The following TTC7A variants were observed in gnomAD, a reference collection of about 807,000 sequenced individuals.
TTC7A encodes tetratricopeptide repeat protein 7A.
A neutral mutation model predicts 103.7 loss-of-function variants in TTC7A; 110 were observed. The ratio of observed to expected loss-of-function variants is 1.06; its 90% CI spans 0.91 to 1.24. The LOEUF (loss-of-function observed/expected upper bound fraction) is 1.24. Ranked by LOEUF, TTC7A falls within the 50% of genes most tolerant of loss-of-function variation. The pLI, the probability that TTC7A is intolerant of heterozygous loss-of-function variation, is 0.00. For synonymous variants in TTC7A, 521 were observed against 467.9 expected, an observed-to-expected ratio of 1.11 and a Z score of -1.47; for missense variants, 1,340 against 1,116.3, an observed-to-expected ratio of 1.20 and a Z score of -2.86.
intron 2 of TTC7A, among the ~76,000 whole-genome samples, chr2:46,931,058 A>T (rs998568773): frequency 6.6e-6 from 1 of 152,244 alleles, no homozygotes; most frequent in Non-Finnish European, 1.5e-5. Context: ...CAAATCAAAC[A>T]ATATATAAAA....
chr2:46,935,757 G>C (rs746992501), intron 2 of TTC7A, among the ~76,000 whole-genome samples: 3 of 152,092 alleles, frequency 2.0e-5, no homozygotes, highest in African/African-American at 7.2e-5. Context: ...AACAATGAGA[G>C]ATGCAAGTCT....
At chr2:46,962,890 T>C (rs1672511633) in intron 3 of TTC7A, among the ~76,000 whole-genome samples, 1 of 152,252 alleles carries the variant, frequency 6.6e-6, no homozygotes, top group Non-Finnish European at 1.5e-5. Context: ...TTGGGGTCTG[T>C]CTGCCTCTAC....
intron 2 of TTC7A, among the ~76,000 whole-genome samples, chr2:46,923,327 C>T (rs1669203758): frequency 6.6e-6 from 1 of 151,946 alleles, no homozygotes; most frequent in Admixed American, 6.6e-5. Context: ...TCTAATCACA[C>T]CTTGGTCTTT....
intron 2 of TTC7A, among the ~76,000 whole-genome samples, chr2:46,923,667 G>T (rs1669229987): frequency 6.6e-6 from 1 of 152,104 alleles, no homozygotes; most frequent in Non-Finnish European, 1.5e-5. Flanking sequence ...CGAGACAGGA[G>T]AATCGCTCAA....
At chr2:46,970,170 G>T (rs7605942) in intron 3 of TTC7A, among the ~76,000 whole-genome samples, 16 of 152,016 alleles carry the variant, frequency 1.1e-4, no homozygotes, top group African/African-American at 3.1e-4. Context: ...TTTCTATTTT[G>T]GGGGGGACGG....
At chr2:47,046,883 TGGAGC>T (rs998289280) in intron 16 of TTC7A, 22 of 237,950 alleles carry the variant, frequency 9.2e-5, no homozygotes, top group Non-Finnish European at 2.4e-5. Flanking sequence ...TTCCAGCCCA[TGGAGC>T]CTGTCACTTC....
intron 18 of TTC7A, among the ~76,000 whole-genome samples, chr2:47,052,110 T>G (rs901979701): frequency 3.9e-5 from 6 of 152,142 alleles, no homozygotes; most frequent in Admixed American, 2.0e-4. Context: ...CGTGAGAGGA[T>G]TGGAGGTCCT....
chr2:47,069,440 G>C (rs1006598805), intron 19 of TTC7A, among the ~76,000 whole-genome samples: 1 of 152,180 alleles, frequency 6.6e-6, no homozygotes, highest in Non-Finnish European at 1.5e-5. Flanking sequence ...CCTAGGTTGG[G>C]CTCCTTGTGA....
At chr2:46,918,823 C>T (rs919224342) in intron 2 of TTC7A, among the ~76,000 whole-genome samples, 1 of 152,168 alleles carries the variant, frequency 6.6e-6, no homozygotes, top group African/African-American at 2.4e-5. Flanking sequence ...AGAAGGGCAA[C>T]TCTACGTTGG....
chr2:47,029,078 G>A, intron 14 of TTC7A, 146 bp from the exon 15 acceptor site: 1 of 846,732 alleles, frequency 1.2e-6, no homozygotes. Context: ...TCTGGGGCAG[G>A]TGTTTTCTCA....
chr2:46,943,666 T>G (rs72886691), intron 1 of TTC7A, among the ~76,000 whole-genome samples: 4,238 of 152,282 alleles, frequency 0.028, 114 homozygotes, highest in African/African-American at 0.068. Context: ...GGTTCCTTGA[T>G]CACTCAAGGG....
chr2:46,994,471 G>A lies in TTC7A; in HGVS notation c.958G>A (p.Ala320Thr), dbSNP rs756596268. ...CATGGGCAAGGAGGAGAGTTCTTTC[G>A]CCACTCAGGCCCTGCGGAAACCTCA... ...EFMGKEESSF[A>T]TQALRKPHLY... Residue 320 changes from alanine to threonine, a missense_variant, in exon 7 of 20, where the codon GCC becomes ACC. Ala to Thr is a moderately conservative substitution (Grantham distance 58). Coordinates refer to ENST00000319190, the MANE Select transcript of TTC7A (RefSeq NM_020458.4). 9.9e-6 allele frequency: 16 copies of A among 1,614,032 alleles called. No individual in the cohort carries two copies. The Admixed American group carries it at 2.0e-4, about 20-fold the overall frequency.
rs914573656 is a variant in TTC7A, at chr2:47,007,607, T to A, written c.1287+883T>A. On this transcript the variant is annotated intron_variant, in intron 10 of 19. Coordinates refer to ENST00000319190, the MANE Select transcript of TTC7A (RefSeq NM_020458.4). The surrounding 1 kb of genome is among the most constrained non-coding windows in gnomAD (Gnocchi z 4.9). Reference sequence around the variant, plus strand: ...GTCTCTGAGGAGGGCCCTCCTGGCTTGCCAGTGCCTCCTCCACGCATCAAG... The same window carrying A: ...GTCTCTGAGGAGGGCCCTCCTGGCTAGCCAGTGCCTCCTCCACGCATCAAG... 7.9e-5 allele frequency among the ~76,000 whole-genome samples: 12 copies of A among 152,122 alleles called. No individual in the cohort carries two copies. Among genetic ancestry groups the A allele is most frequent in the Non-Finnish European group, 1.8e-4 (12 of 68,000 alleles).
intron 2 of TTC7A, among the ~76,000 whole-genome samples, chr2:46,930,827 C>T (rs1258857269): frequency 6.6e-6 from 1 of 152,034 alleles, no homozygotes; most frequent in African/African-American, 2.4e-5. Flanking sequence ...TAAAGAAATC[C>T]AATCAGTAAT....
chr2:46,985,098 G>A (rs989530508), intron 5 of TTC7A, among the ~76,000 whole-genome samples: 1 of 152,222 alleles, frequency 6.6e-6, no homozygotes, highest in African/African-American at 2.4e-5. Flanking sequence ...TGGGTATGCA[G>A]TGCTGCAGTG....
intron 5 of TTC7A, among the ~76,000 whole-genome samples, chr2:46,982,641 G>A (rs1674585879): frequency 6.6e-6 from 1 of 152,146 alleles, no homozygotes; most frequent in South Asian, 2.1e-4. Flanking sequence ...CAAATTATAT[G>A]TGAACACCCA....
chr2:47,034,434 G>A (rs1216170769), intron 15 of TTC7A: 1 of 152,358 alleles, frequency 6.6e-6, no homozygotes, highest in African/African-American at 2.4e-5. Flanking sequence ...GGAGGGGCAG[G>A]AATATGAGGT....
At chr2:47,044,925 A>G (rs1458967913) in intron 15 of TTC7A, among the ~76,000 whole-genome samples, 1 of 152,220 alleles carries the variant, frequency 6.6e-6, no homozygotes, top group Non-Finnish European at 1.5e-5. Context: ...AGAGAAGATC[A>G]GAGGGGCAAC....
intron 13 of TTC7A, 52 bp from the exon 14 acceptor site, chr2:47,024,235 G>A (rs372366176): frequency 3.5e-5 from 52 of 1,505,216 alleles, no homozygotes; most frequent in East Asian, 1.5e-4. Context: ...CGAGTCACAC[G>A]TTGGTCACTC....
Sources: allele counts gnomAD v4.1 joint callset (sites outside exome capture counted in the v4.1 genomes callset), GRCh38; gene constraint gnomAD v4.1.1; non-coding constraint Gnocchi (gnomAD v3.1); transcripts MANE v1.5; gene names NCBI Gene and HGNC (gene_info 2026-07-23, HGNC 2026-07-21).